The following MPP7 variants were observed in gnomAD, a reference collection of about 807,000 sequenced individuals.
MPP7 encodes MAGUK p55 subfamily member 7.
A neutral mutation model predicts 76.5 loss-of-function variants in MPP7; 60 were observed. The ratio of observed to expected loss-of-function variants is 0.78; its 90% CI spans 0.64 to 0.97. MPP7 has a LOEUF of 0.97. Ranked by LOEUF, MPP7 falls within the 50% of genes least tolerant of loss-of-function variation. The pLI, the probability that MPP7 is intolerant of heterozygous loss-of-function variation, is 0.00. For missense variants in MPP7, 641 were observed against 694.0 expected (o/e 0.92, Z 0.86); for synonymous variants, 237 against 244.5 (o/e 0.97, Z 0.29).
At chr10:28,313,693 A>G (rs1035179140) in intron 2 of MPP7, among the ~76,000 whole-genome samples, 2 of 151,692 alleles carry the variant, frequency 1.3e-5, no homozygotes, top group African/African-American at 2.4e-5. Context: ...ACAACCAAAT[A>G]ATAACTTTTT....
At chr10:28,238,488 G>T in intron 2 of MPP7, 80 bp downstream of exon 2, 2 of 1,445,330 alleles carry the variant, frequency 1.4e-6, no homozygotes, top group Non-Finnish European at 9.7e-7. Flanking sequence ...GCCTGCATTT[G>T]CTTAAAGCAT....
At chr10:28,306,686 T>G (rs142397018), upstream of MPP7, among the ~76,000 whole-genome samples, 3 of 39,240 alleles carry the variant, frequency 7.6e-5, no homozygotes, top group East Asian at 5.3e-4. Context: ...GAGAGAGAGA[T>G]GATAGATAAT....
chr10:28,283,519 C>T (rs1840727908), intron 1 of MPP7, among the ~76,000 whole-genome samples: 1 of 151,796 alleles, frequency 6.6e-6, no homozygotes, highest in Non-Finnish European at 1.5e-5. Flanking sequence ...CATTCCAAAG[C>T]TTTTGTTTTT....
intron 3 of MPP7, among the ~76,000 whole-genome samples, chr10:28,200,082 G>C (rs1400989838): frequency 6.6e-6 from 1 of 152,130 alleles, no homozygotes. Context: ...GCTCTACCAA[G>C]ATTTACGTAC....
intron 1 of MPP7, among the ~76,000 whole-genome samples, chr10:28,263,221 T>G (rs1461152167): frequency 6.6e-6 from 1 of 152,200 alleles, no homozygotes; most frequent in African/African-American, 2.4e-5. Flanking sequence ...TCAAATTGCT[T>G]TCATCTAAAT....
intron 3 of MPP7, among the ~76,000 whole-genome samples, chr10:28,151,341 G>A (rs1835876987): frequency 6.6e-6 from 1 of 152,104 alleles, no homozygotes. Flanking sequence ...AAGACTGTAA[G>A]CTATAAAAAG....
At chr10:28,149,899 G>T in intron 4 of MPP7, 83 bp downstream of exon 4, 3 of 900,342 alleles carry the variant, frequency 3.3e-6, no homozygotes, top group South Asian at 1.5e-5. Context: ...AGGATCACAC[G>T]CATCTGTCTG....
chr10:28,194,278 T>A (rs1408874408), intron 3 of MPP7, among the ~76,000 whole-genome samples: 1 of 151,992 alleles, frequency 6.6e-6, no homozygotes, highest in African/African-American at 2.4e-5. Context: ...CCTCCCAAAG[T>A]GCTGGGATTA....
intron 2 of MPP7, among the ~76,000 whole-genome samples, chr10:28,315,533 G>A (rs1268526407): frequency 1.3e-5 from 2 of 152,152 alleles, no homozygotes; most frequent in African/African-American, 4.8e-5. Context: ...CCTGGCCACT[G>A]CAGACATTTG....
intron 12 of MPP7, among the ~76,000 whole-genome samples, chr10:28,083,692 C>T (rs961062047): frequency 8.5e-5 from 13 of 152,074 alleles, no homozygotes; most frequent in Middle Eastern, 3.4e-3. Context: ...CGCCCGACAC[C>T]ACACCTGGCT....
chr10:28,244,283 TA>T (rs762717404), intron 1 of MPP7, among the ~76,000 whole-genome samples: 37 of 152,228 alleles, frequency 2.4e-4, no homozygotes, highest in Admixed American at 1.6e-3. Flanking sequence ...AAAAGAAAGT[TA>T]AAAAAATCTA....
At chr10:28,106,298 AG>A (rs1390633709) in intron 11 of MPP7, among the ~76,000 whole-genome samples, 1 of 152,338 alleles carries the variant, frequency 6.6e-6, no homozygotes, top group Middle Eastern at 3.4e-3. Context: ...AGAACTTACC[AG>A]GATACCTATC....
intron 3 of MPP7, among the ~76,000 whole-genome samples, chr10:28,186,979 A>G (rs1837259114): frequency 1.3e-5 from 2 of 152,210 alleles, no homozygotes; most frequent in African/African-American, 4.8e-5. Context: ...GATTCCATAC[A>G]TTCTAATGAA....
intron 1 of MPP7, among the ~76,000 whole-genome samples, chr10:28,255,788 G>C (rs2132886894): frequency 6.6e-6 from 1 of 152,260 alleles, no homozygotes; most frequent in Non-Finnish European, 1.5e-5. Flanking sequence ...ATCACAGAGT[G>C]CAATGAAATA....
At position 28,209,469 on chromosome 10, in the gene MPP7, C is replaced by CA. The variant is rs34583825; in HGVS notation, c.38-7199dup. Among the ~76,000 whole-genome samples the CA allele has an allele frequency of 7.8e-3, 960 of 122,510 alleles. 6 individuals carry two copies. The highest frequency in any genetic ancestry group is 0.015 in the African/African-American group (544 of 35,928). 80.4% of individuals were successfully genotyped at this position (122,510 alleles called of 152,430 possible). On this transcript the variant is annotated intron_variant, in intron 2 of 16. Coordinates refer to ENST00000683449, the MANE Select transcript of MPP7 (RefSeq NM_001318170.2). The stretch of plus-strand genomic sequence containing the variant: ...GAGTGACAGAATGAAATCCTATCTC[C>CA]AAAAAAAAAAAAAAAACTATGTGTG...
In MPP7 at chr10:28,108,618, C is replaced by G. The variant is rs139646629; in HGVS notation, c.952+11033G>C. 1.3e-3 allele frequency among the ~76,000 whole-genome samples: 192 copies of G among 152,124 alleles called. 10 individuals carry two copies. The East Asian group carries it at 0.03, about 24-fold the overall frequency. ...GTTGCAGAGAGCCGAGATCATGCCA[C>G]TGCACTCCATACTGGGTGACAGAGC... On this transcript the variant is annotated intron_variant, in intron 11 of 16. Transcript: ENST00000683449.
chr10:28,194,635 A>G (rs1427030991), intron 3 of MPP7, among the ~76,000 whole-genome samples: 1 of 152,232 alleles, frequency 6.6e-6, no homozygotes, highest in Non-Finnish European at 1.5e-5. Context: ...AAAAGGCTAC[A>G]TACTGTATTA....
chr10:28,112,129 T>C (rs1834524348), intron 11 of MPP7, among the ~76,000 whole-genome samples: 1 of 152,192 alleles, frequency 6.6e-6, no homozygotes, highest in African/African-American at 2.4e-5. Context: ...GTTGTGACTT[T>C]ATTTAAGCAC....
At position 28,175,267 on chromosome 10, in the gene MPP7, G is replaced by A. The variant is rs953706755; in HGVS notation, c.157-25208C>T. On this transcript the variant is annotated intron_variant, in intron 3 of 16. Transcript: ENST00000683449. ...ATTGCATCATTGCACTCCAGCCTGG[G>A]TAACAGAGTGAGATGTCGTCTCAAA... Among the ~76,000 whole-genome samples, 4 of 151,384 alleles carry A rather than the reference G, an allele frequency of 2.6e-5. No individual in the cohort carries two copies. The South Asian group carries it at 6.3e-4, about 24-fold the overall frequency.
Sources: allele counts gnomAD v4.1 joint callset (sites outside exome capture counted in the v4.1 genomes callset), GRCh38; gene constraint gnomAD v4.1.1; transcripts MANE v1.5; gene names NCBI Gene and HGNC (gene_info 2026-07-23, HGNC 2026-07-21).